FGD3: variants seen among roughly 807,000 people sequenced by gnomAD.
The protein encoded by FGD3 is FYVE, RhoGEF and PH domain containing 3.
Under a neutral mutation model 71.8 loss-of-function variants are expected in FGD3, and 45 were observed. That is an observed-to-expected ratio of 0.63 (90% CI 0.49 to 0.80). The LOEUF is 0.80. Ranked by LOEUF, FGD3 falls within the 30% of genes least tolerant of loss-of-function variation. The pLI is 0.00. For missense variants in FGD3, 844 were observed against 951.5 expected (o/e 0.89, Z 1.49); for synonymous variants, 378 against 392.8 (o/e 0.96, Z 0.44).
rs947623571 is a variant in FGD3 at position 92,964,525 on chromosome 9, G to T, written c.-217-10713G>T. Among the ~76,000 whole-genome samples, 16 of 152,168 alleles carry T rather than the reference G, an allele frequency of 1.1e-4. 1 individual carries two copies. In the South Asian group the frequency reaches 1.2e-3, roughly 12 times the overall value. ...AATGGTGTCTTGTTTTTGTTCTGTT[G>T]TCTTTCTCTGGGTTCCTGTAGCATG... On this transcript the variant is annotated intron_variant, in intron 1 of 17. Transcript: ENST00000375482.
intron 3 of FGD3, among the ~76,000 whole-genome samples, chr9:92,989,018 C>T (rs558658090): frequency 1.3e-5 from 2 of 152,202 alleles, no homozygotes; most frequent in East Asian, 3.9e-4. Context: ...AAACATTATC[C>T]TCTTCAATTT....
intron 6 of FGD3, among the ~76,000 whole-genome samples, chr9:93,009,886 G>C (rs1861235031): frequency 1.3e-5 from 2 of 152,238 alleles, no homozygotes; most frequent in African/African-American, 2.4e-5. Context: ...CAGCAGAGGG[G>C]TCGAAGGAGC....
intron 6 of FGD3, 34 bp from the exon 7 acceptor site, chr9:93,010,212 C>T (rs745459776): frequency 5.1e-6 from 8 of 1,579,516 alleles, no homozygotes; most frequent in Non-Finnish European, 6.9e-6. Context: ...CACACGTGTC[C>T]TTGGAGTGCC....
At chr9:93,020,916 G>A (rs750490955) in intron 13 of FGD3, among the ~76,000 whole-genome samples, 11 of 152,356 alleles carry the variant, frequency 7.2e-5, no homozygotes, top group Admixed American at 5.9e-4. Flanking sequence ...TCAGCGCCCA[G>A]CTGGGCGGGA....
chr9:92,966,434 G>C (rs1020158098), intron 1 of FGD3, among the ~76,000 whole-genome samples: 1 of 152,216 alleles, frequency 6.6e-6, no homozygotes, highest in African/African-American at 2.4e-5. Context: ...ACAGGCAAAT[G>C]GTTGCTGCAT....
In FGD3 at chr9:93,030,006, G is replaced by A. The variant is rs774862791; in HGVS notation, c.1680+10G>A. ...CAAGCTGTGTGGGGCGGTGAGTCCCGGGAGAGGGGGACAGGGACAGGAGGC... is the reference window on the plus strand; with the variant it reads ...CAAGCTGTGTGGGGCGGTGAGTCCCAGGAGAGGGGGACAGGGACAGGAGGC... On this transcript the variant is annotated intron_variant, in intron 15 of 17. Transcript: ENST00000375482. 83 of 1,609,864 alleles carry A rather than the reference G, an allele frequency of 5.2e-5. 1 individual carries two copies. Among genetic ancestry groups the A allele is most frequent in the Non-Finnish European group, 6.0e-5 (71 of 1,177,990 alleles).
chr9:92,965,226 G>C (rs539359806), intron 1 of FGD3, among the ~76,000 whole-genome samples: 1 of 152,352 alleles, frequency 6.6e-6, no homozygotes, highest in East Asian at 1.9e-4. Context: ...ACTGAGTCGT[G>C]CCAGGCTCAC....
intron 3 of FGD3, among the ~76,000 whole-genome samples, chr9:92,989,877 T>C (rs1023001368): frequency 1.3e-5 from 2 of 151,748 alleles, no homozygotes; most frequent in South Asian, 4.2e-4. Context: ...GCATTATGAA[T>C]TGGGGTCCTG....
At chr9:92,996,086 G>A (rs1014830850) in intron 3 of FGD3, among the ~76,000 whole-genome samples, 7 of 152,088 alleles carry the variant, frequency 4.6e-5, no homozygotes, top group African/African-American at 7.2e-5. Flanking sequence ...GGTAGAATTC[G>A]GCTGTGAATC....
chr9:92,952,962 T>C (rs1260419382), intron 1 of FGD3, among the ~76,000 whole-genome samples: 1 of 152,210 alleles, frequency 6.6e-6, no homozygotes, highest in Non-Finnish European at 1.5e-5. Context: ...AAGGATTGAA[T>C]AGTAAACGGT....
intron 3 of FGD3, among the ~76,000 whole-genome samples, chr9:92,981,162 A>G (rs1383322317): frequency 6.6e-6 from 1 of 150,590 alleles, no homozygotes; most frequent in Non-Finnish European, 1.5e-5. Context: ...AGGTCAGGAG[A>G]TCGAGACCAT....
chr9:93,019,647 AC>A (rs1414017508), intron 11 of FGD3, among the ~76,000 whole-genome samples, 183 bp from the exon 12 acceptor site: 1 of 152,210 alleles, frequency 6.6e-6, no homozygotes, highest in East Asian at 1.9e-4. Flanking sequence ...AGAGGGCTCC[AC>A]ATGGCTCACC....
intron 1 of FGD3, among the ~76,000 whole-genome samples, chr9:92,956,229 C>T (rs189385405): frequency 7.2e-5 from 11 of 152,314 alleles, no homozygotes; most frequent in African/African-American, 2.6e-4. Context: ...GCTCAGCATG[C>T]ATTTTCGTTT....
intron 3 of FGD3, 56 bp downstream of exon 3, chr9:92,976,765 G>A: frequency 1.4e-6 from 2 of 1,481,414 alleles, no homozygotes; most frequent in Non-Finnish European, 1.8e-6. Context: ...CTTAGGAGGG[G>A]TTTGAGATTT....
chr9:92,987,527 C>T (rs1860235630), intron 3 of FGD3, among the ~76,000 whole-genome samples: 1 of 152,124 alleles, frequency 6.6e-6, no homozygotes, highest in South Asian at 2.1e-4. Context: ...CTCTCATGAG[C>T]CTCCTGTCTA....
At chr9:93,006,539 T>TA (rs1041037798) in intron 6 of FGD3, among the ~76,000 whole-genome samples, 5 of 152,188 alleles carry the variant, frequency 3.3e-5, no homozygotes, top group African/African-American at 1.2e-4. Flanking sequence ...CATTTTTGTT[T>TA]AAATGTTACA....
intron 15 of FGD3, among the ~76,000 whole-genome samples, chr9:93,030,899 G>T (rs540116366): frequency 2.0e-5 from 3 of 152,272 alleles, no homozygotes; most frequent in Non-Finnish European, 4.4e-5. Context: ...AATGGCATAT[G>T]GAAGTATGAA....
In FGD3 at chr9:92,947,617, G is replaced by A. The variant is rs1858879828; in HGVS notation, c.-330G>A. 6.6e-6 allele frequency: 1 copy of A among 152,348 alleles called. No homozygotes were observed. Among genetic ancestry groups the A allele is most frequent in the South Asian group, 2.1e-4 (1 of 4,838 alleles). 9.4% of individuals were successfully genotyped at this position (152,348 alleles called of 1,614,324 possible). A position where few individuals can be genotyped will look rare whatever the true frequency, so the allele number is the denominator to read the frequency against. ...GCTGCCCACTGTGAGCGACCTCCCC[G>A]GGGCTCCTCTGGAAGCGGCTCCGGC... On this transcript the variant is annotated 5_prime_UTR_variant, in exon 1 of 18. Transcript: ENST00000375482.
intron 1 of FGD3, among the ~76,000 whole-genome samples, chr9:92,959,054 G>T (rs1859118274): frequency 6.6e-6 from 1 of 152,120 alleles, no homozygotes; most frequent in Admixed American, 6.6e-5. Context: ...CCACCTCCCA[G>T]GTTCAAGCAA....
Sources: allele counts gnomAD v4.1 joint callset (sites outside exome capture counted in the v4.1 genomes callset), GRCh38; gene constraint gnomAD v4.1.1; transcripts MANE v1.5; gene names NCBI Gene and HGNC (gene_info 2026-07-23, HGNC 2026-07-21).